The following TOX variants were observed in gnomAD, a reference collection of about 807,000 sequenced individuals.
TOX encodes thymocyte selection associated high mobility group box.
In TOX, 11 loss-of-function variants were observed where a neutral mutation model predicts 53.7. That is an observed-to-expected ratio of 0.20 (90% CI 0.13 to 0.34). The LOEUF (loss-of-function observed/expected upper bound fraction) is 0.34, where lower values mean the gene tolerates loss of function less well. TOX is among the 10% of genes least tolerant of loss of function. The pLI, the probability that TOX is intolerant of heterozygous loss-of-function variation, is 1.00. For synonymous variants in TOX, 225 were observed against 245.3 expected (o/e 0.92, Z 0.77); for missense variants, 570 against 664.6 (o/e 0.86, Z 1.56).
intron 7 of TOX, among the ~76,000 whole-genome samples, chr8:58,811,321 T>C (rs1810071742): frequency 6.6e-6 from 1 of 152,236 alleles, no homozygotes; most frequent in East Asian, 1.9e-4. Context: ...GTAGCATGCC[T>C]GGAATTTTAA....
chr8:58,860,104 A>T (rs1810982929), intron 3 of TOX, among the ~76,000 whole-genome samples: 1 of 152,056 alleles, frequency 6.6e-6, no homozygotes, highest in African/African-American at 2.4e-5. Flanking sequence ...ACGCCATTTT[A>T]TTCGATTTTT....
chr8:58,963,503 G>T (rs890754181), intron 1 of TOX, among the ~76,000 whole-genome samples: 20 of 152,126 alleles, frequency 1.3e-4, no homozygotes, highest in Non-Finnish European at 1.5e-5. Flanking sequence ...ATATACAAAT[G>T]TATTTATTTC....
At chr8:59,039,531 T>C (rs2914087) in intron 1 of TOX, among the ~76,000 whole-genome samples, 139,260 of 152,228 alleles carry the variant, frequency 0.91, 63,861 homozygotes, top group East Asian at 1. Context: ...TTCCCTATGC[T>C]CAATGCATTT....
At chr8:59,047,576 T>TC (rs1383420168) in intron 1 of TOX, among the ~76,000 whole-genome samples, 1 of 151,434 alleles carries the variant, frequency 6.6e-6, no homozygotes, top group African/African-American at 2.4e-5. Context: ...TTTTTTTTTT[T>TC]CCTAGAGACG....
At chr8:58,820,414 A>C (rs1463112376) in intron 6 of TOX, among the ~76,000 whole-genome samples, 2 of 152,232 alleles carry the variant, frequency 1.3e-5, no homozygotes, top group Non-Finnish European at 2.9e-5. Context: ...TTAATAAACC[A>C]GAACATAGTT....
At chr8:58,938,301 G>A (rs1812380493) in intron 3 of TOX, among the ~76,000 whole-genome samples, 1 of 152,200 alleles carries the variant, frequency 6.6e-6, no homozygotes, top group Non-Finnish European at 1.5e-5. Context: ...TATGAAATGT[G>A]TTTTTTAATA....
intron 1 of TOX, among the ~76,000 whole-genome samples, chr8:59,035,499 A>G (rs1011033591): frequency 1.1e-4 from 16 of 152,150 alleles, no homozygotes; most frequent in Non-Finnish European, 2.1e-4. Context: ...TCAGCCTCCA[A>G]AGTAACTGGG....
At chr8:58,881,583 G>T (rs894179998) in intron 3 of TOX, among the ~76,000 whole-genome samples, 2 of 152,084 alleles carry the variant, frequency 1.3e-5, no homozygotes, top group East Asian at 1.9e-4. Context: ...AGTTAGTGGG[G>T]TGTGGTGGCA....
At chr8:59,073,067 A>G (rs1049725397) in intron 1 of TOX, among the ~76,000 whole-genome samples, 1 of 152,182 alleles carries the variant, frequency 6.6e-6, no homozygotes, top group Non-Finnish European at 1.5e-5. Flanking sequence ...ATTTAAGTTC[A>G]AATGGAAAGG....
chr8:59,059,853 C>T (rs1186188852), intron 1 of TOX, among the ~76,000 whole-genome samples: 1 of 150,444 alleles, frequency 6.6e-6, no homozygotes, highest in Non-Finnish European at 1.5e-5. Flanking sequence ...AAAATGTTCA[C>T]ATTAGTGTTG....
rs192552026 is a variant in TOX, at chr8:58,815,789, G to A, written c.1006-65C>T. On this transcript the variant is annotated intron_variant, in intron 6 of 8. Transcript: ENST00000361421. ...CATGAGTGTTGATTCAAGGTATGAC[G>A]CTTTGTGAGTTTATTAAAGCACCTT... 249 of 1,509,076 alleles carry A rather than the reference G, an allele frequency of 1.7e-4. 1 individual carries two copies. Among genetic ancestry groups the A allele is most frequent in the East Asian group, 7.1e-4 (31 of 43,932 alleles). 93.5% of individuals were successfully genotyped at this position (1,509,076 alleles called of 1,614,324 possible).
At chr8:59,089,924 A>G (rs1164052887) in intron 1 of TOX, among the ~76,000 whole-genome samples, 1 of 152,204 alleles carries the variant, frequency 6.6e-6, no homozygotes, top group Non-Finnish European at 1.5e-5. Context: ...CATCCATGCT[A>G]GGAACTTAAG....
At chr8:59,049,113 A>C (rs962352710) in intron 1 of TOX, among the ~76,000 whole-genome samples, 16 of 131,640 alleles carry the variant, frequency 1.2e-4, no homozygotes, top group African/African-American at 4.3e-4. Context: ...AAAATGAAAA[A>C]AACAAACAGC....
intron 1 of TOX, among the ~76,000 whole-genome samples, chr8:59,059,921 AT>A (rs1401933009): frequency 1.3e-5 from 2 of 149,458 alleles, no homozygotes; most frequent in African/African-American, 2.4e-5. Context: ...AAAAAAAAAA[AT>A]CTTTTAGAAA....
rs1805123857 is a variant in TOX, at chr8:59,117,525, G to C, written c.102+1361C>G. On this transcript the variant is annotated intron_variant, in intron 1 of 8. Transcript: ENST00000361421. The surrounding 1 kb of genome is among the most constrained non-coding windows in gnomAD (Gnocchi z 4.6). ...ACACAGCATCGAGGAGCTTCTCCAC[G>C]GGGAAGTGTGTGTGTGAGAGCCTGC... Among the ~76,000 whole-genome samples, 1 of 152,224 alleles carries C rather than the reference G, an allele frequency of 6.6e-6. No homozygotes were observed. Among genetic ancestry groups the C allele is most frequent in the Non-Finnish European group, 1.5e-5 (1 of 68,044 alleles).
At chr8:58,912,273 C>A (rs1811921476) in intron 3 of TOX, among the ~76,000 whole-genome samples, 1 of 152,092 alleles carries the variant, frequency 6.6e-6, no homozygotes, top group Non-Finnish European at 1.5e-5. Flanking sequence ...GATATTTTGC[C>A]CTCTGACAGG....
chr8:58,873,958 C>CATTTTTTTTT (rs1811239401), intron 3 of TOX, among the ~76,000 whole-genome samples: 1 of 40,128 alleles, frequency 2.5e-5, no homozygotes, highest in African/African-American at 1.7e-4. Context: ...TGCCAGGAAG[C>CATTTTTTTTT]TTTTTTTTTT....
chr8:59,110,861 C>G (rs1413484853), intron 1 of TOX, among the ~76,000 whole-genome samples: 2 of 152,124 alleles, frequency 1.3e-5, no homozygotes, highest in Non-Finnish European at 2.9e-5. Flanking sequence ...GAAAGAACCA[C>G]TAGTCTACAA....
intron 1 of TOX, among the ~76,000 whole-genome samples, chr8:59,044,329 G>A (rs888826193): frequency 6.6e-6 from 1 of 151,708 alleles, no homozygotes; most frequent in Non-Finnish European, 1.5e-5. Flanking sequence ...AATATAAGTA[G>A]CTTAAGCCAA....
Sources: allele counts gnomAD v4.1 joint callset (sites outside exome capture counted in the v4.1 genomes callset), GRCh38; gene constraint gnomAD v4.1.1; non-coding constraint Gnocchi (gnomAD v3.1); transcripts MANE v1.5; gene names NCBI Gene and HGNC (gene_info 2026-07-23, HGNC 2026-07-21).